Variants in NAV3 observed in about 807,000 individuals in gnomAD.
The protein encoded by NAV3 is neuron navigator 3.
NAV3 carries 87 observed loss-of-function variants against 244.7 expected under a neutral mutation model. That is an observed-to-expected ratio of 0.36 (90% CI 0.30 to 0.42). The LOEUF (loss-of-function observed/expected upper bound fraction) is 0.42. Ranked by LOEUF, NAV3 falls within the 20% of genes least tolerant of loss-of-function variation. The pLI is 1.00. For synonymous variants in NAV3, 1,126 were observed against 1,042.2 expected (o/e 1.08, Z -1.55); for missense variants, 2,663 against 2,893.3 (o/e 0.92, Z 1.83).
intron 18 of NAV3, among the ~76,000 whole-genome samples, chr12:78,129,238 T>TA (rs1176486520): frequency 6.6e-6 from 1 of 152,140 alleles, no homozygotes; most frequent in African/African-American, 2.4e-5. Flanking sequence ...AGAATCCTCT[T>TA]AAAAAACAGG....
At chr12:77,982,122 C>T (rs1593189119) in intron 5 of NAV3, among the ~76,000 whole-genome samples, 1 of 152,230 alleles carries the variant, frequency 6.6e-6, no homozygotes, top group East Asian at 1.9e-4. Context: ...ATATCAAATA[C>T]ATCTATTTAA....
intron 26 of NAV3, among the ~76,000 whole-genome samples, chr12:78,176,896 C>G (rs1243225579): frequency 6.6e-6 from 1 of 152,054 alleles, no homozygotes; most frequent in Non-Finnish European, 1.5e-5. Flanking sequence ...CAGCCATGCC[C>G]TTGACCTTGC....
chr12:77,830,112 C>G (rs887118962), upstream of NAV3, among the ~76,000 whole-genome samples: 4 of 152,070 alleles, frequency 2.6e-5, no homozygotes, highest in Non-Finnish European at 2.9e-5. Flanking sequence ...ATTTAAAGTT[C>G]CTGACATGCT....
At chr12:77,904,441 C>A (rs954706680) in intron 1 of NAV3, among the ~76,000 whole-genome samples, 9 of 151,944 alleles carry the variant, frequency 5.9e-5, no homozygotes, top group Admixed American at 5.9e-4. Flanking sequence ...GGGAATTGAA[C>A]AATGAGAACA....
intron 2 of NAV3, among the ~76,000 whole-genome samples, chr12:77,583,065 T>G (rs544110678): frequency 3.9e-5 from 6 of 152,306 alleles, no homozygotes; most frequent in Admixed American, 3.9e-4. Context: ...TCCTAACATT[T>G]GTGTTTTTGC....
At chr12:78,061,499 C>G (rs1884317146) in intron 12 of NAV3, among the ~76,000 whole-genome samples, 1 of 151,996 alleles carries the variant, frequency 6.6e-6, no homozygotes, top group Non-Finnish European at 1.5e-5. Context: ...ATAATTTTAA[C>G]TTGAGCTGCT....
At position 77,757,381 on chromosome 12, in the gene NAV3, C is replaced by T. The variant is rs112085485; in HGVS notation, c.73-182938C>T. On this transcript the variant is annotated intron_variant, in intron 2 of 8. Coordinates refer to the NAV3 transcript ENST00000550042. ...AAAATATTTAGACAAAACTAGTTTA[C>T]CACACTACCTTCATATTGCTGTCTT... Among the ~76,000 whole-genome samples, 225 of 152,278 alleles carry T rather than the reference C, an allele frequency of 1.5e-3. 1 individual carries two copies. Among genetic ancestry groups the T allele is most frequent in the African/African-American group, 5.3e-3 (219 of 41,574 alleles).
chr12:77,760,783 G>A lies in NAV3; in HGVS notation c.73-179536G>A, dbSNP rs142085813. On this transcript the variant is annotated intron_variant, in intron 2 of 8. Transcript: ENST00000550042. ...GAAAATCAAAGCTGTCAGCCACAAT[G>A]TTTCAAAACTTTTATCAAGCTCAAG... 3.3e-3 allele frequency among the ~76,000 whole-genome samples: 496 copies of A among 152,300 alleles called. 5 individuals carry two copies. Among genetic ancestry groups the A allele is most frequent in the Middle Eastern group, 0.017 (5 of 294 alleles).
At chr12:78,114,784 A>G (rs900530876) in intron 12 of NAV3, among the ~76,000 whole-genome samples, 1 of 152,146 alleles carries the variant, frequency 6.6e-6, no homozygotes, top group African/African-American at 2.4e-5. Flanking sequence ...TTGAGCAACC[A>G]CAAATGACAG....
At chr12:78,115,350 A>T (rs993424004) in intron 12 of NAV3, among the ~76,000 whole-genome samples, 1 of 152,186 alleles carries the variant, frequency 6.6e-6, no homozygotes, top group Non-Finnish European at 1.5e-5. Context: ...GTTTATTCTC[A>T]TGCTACTAAT....
chr12:78,064,005 A>C (rs1022258856), intron 12 of NAV3, among the ~76,000 whole-genome samples: 1 of 152,218 alleles, frequency 6.6e-6, no homozygotes, highest in African/African-American at 2.4e-5. Context: ...TTGTATTTTA[A>C]AAGGAACTCT....
intron 2 of NAV3, among the ~76,000 whole-genome samples, chr12:77,653,905 G>C (rs930002388): frequency 2.0e-5 from 3 of 151,964 alleles, no homozygotes; most frequent in African/African-American, 7.2e-5. Flanking sequence ...AAAAATTCTA[G>C]TTTTCTTAAC....
At chr12:78,013,366 G>A (rs1391351318) in intron 8 of NAV3, among the ~76,000 whole-genome samples, 1 of 152,032 alleles carries the variant, frequency 6.6e-6, no homozygotes, top group African/African-American at 2.4e-5. Context: ...CTTCAAAAAA[G>A]TGAAAAGTTA....
chr12:77,802,763 C>G (rs925389580), intron 2 of NAV3, among the ~76,000 whole-genome samples: 5 of 151,998 alleles, frequency 3.3e-5, no homozygotes, highest in African/African-American at 4.8e-5. Flanking sequence ...CCTGGGTTCA[C>G]ACCATTCTCC....
chr12:78,056,406 G>A (rs1028437834), intron 11 of NAV3: 2 of 152,164 alleles, frequency 1.3e-5, no homozygotes, highest in African/African-American at 4.8e-5. Flanking sequence ...TTAATTTGAT[G>A]GTGTTTCTTT....
At chr12:78,133,636 CACTACAATATGTCATATTTAGTAG>C (rs1956256795) in intron 18 of NAV3, among the ~76,000 whole-genome samples, 1 of 151,860 alleles carries the variant, frequency 6.6e-6, no homozygotes, top group South Asian at 2.1e-4. Flanking sequence ...AAATTAAGAT[CACTACAATATGTCATATTTAGTAG>C]ACTACTGTGA....
rs148738713 is a variant in NAV3 at position 77,688,537 on chromosome 12, G to A, written c.72+116271G>A. ...ATGAATATTTGTTCAACTGATTTTG[G>A]TTGAGGAATCAGTAAGTGAAGGAGA... On this transcript the variant is annotated intron_variant, in intron 2 of 8. Coordinates refer to the NAV3 transcript ENST00000550042. Among the ~76,000 whole-genome samples the A allele has an allele frequency of 2.5e-3, 387 of 152,144 alleles. 1 individual carries two copies. Among genetic ancestry groups the A allele is most frequent in the African/African-American group, 9.1e-3 (377 of 41,554 alleles).
chr12:77,975,826 A>G (rs1868332203), intron 5 of NAV3, among the ~76,000 whole-genome samples: 1 of 152,264 alleles, frequency 6.6e-6, no homozygotes, highest in African/African-American at 2.4e-5. Flanking sequence ...CATGAGGAAC[A>G]TAAACAGGCA....
Position 78,210,649 on chromosome 12 carries a change from G to A in NAV3, c.*132G>A. 1 of 1,068,450 alleles carries A rather than the reference G, an allele frequency of 9.4e-7. No homozygotes were observed. The highest frequency in any genetic ancestry group is 1.3e-6 in the Non-Finnish European group (1 of 751,282). 66.2% of individuals were successfully genotyped at this position (1,068,450 alleles called of 1,614,324 possible). A position where few individuals can be genotyped will look rare whatever the true frequency, so the allele number is the denominator to read the frequency against. ...CTGACCCAGAGTTGTGGTCTCCAAG[G>A]AGGCAGCAGAACTAAGTCTGAACCG... On this transcript the variant is annotated 3_prime_UTR_variant, in exon 40 of 40. Transcript: ENST00000397909.
Sources: allele counts gnomAD v4.1 joint callset (sites outside exome capture counted in the v4.1 genomes callset), GRCh38; gene constraint gnomAD v4.1.1; transcripts MANE v1.5; gene names NCBI Gene and HGNC (gene_info 2026-07-23, HGNC 2026-07-21).